The following ANKRD39 variants were observed in gnomAD, a reference collection of about 807,000 sequenced individuals.
ANKRD39 encodes the protein ankyrin repeat domain 39.
In ANKRD39, 18 loss-of-function variants were observed where a neutral mutation model predicts 20.3. The ratio of observed to expected loss-of-function variants is 0.89; its 90% CI spans 0.61 to 1.32. The LOEUF is 1.32. Ranked by LOEUF, ANKRD39 falls within the 40% of genes most tolerant of loss-of-function variation. ANKRD39 has a pLI of 0.00. For missense variants in ANKRD39, 243 were observed against 250.7 expected (o/e 0.97, Z 0.21); for synonymous variants, 106 against 111.9 (o/e 0.95, Z 0.33).
intron 3 of ANKRD39, among the ~76,000 whole-genome samples, chr2:96,850,232 C>T (rs572887394): frequency 6.6e-6 from 1 of 152,324 alleles, no homozygotes; most frequent in South Asian, 2.1e-4. Flanking sequence ...CTCAGCTGGT[C>T]CTCCTAATGA....
At chr2:96,852,669 AAAG>A (rs1316786903) in intron 3 of ANKRD39, among the ~76,000 whole-genome samples, 1 of 152,138 alleles carries the variant, frequency 6.6e-6, no homozygotes, top group Non-Finnish European at 1.5e-5. Flanking sequence ...GGAGAAAATC[AAAG>A]AAGGGGCAAG....
chr2:96,856,125 T>C (rs1002036962), intron 1 of ANKRD39, among the ~76,000 whole-genome samples: 2 of 152,226 alleles, frequency 1.3e-5, no homozygotes, highest in Non-Finnish European at 2.9e-5. Flanking sequence ...TTTTAAAGAA[T>C]GTATTTGTTT....
rs1235530549 is a variant in ANKRD39 at position 96,857,966 on chromosome 2, C to T, written c.22G>A (p.Ala8Thr). The change falls in exon 1 of 4, where the codon GCG becomes ACG. Residue 8 changes from alanine to threonine, a missense_variant. Ala to Thr is a moderately conservative substitution (Grantham distance 58, BLOSUM62 0). Coordinates refer to ENST00000393537, the MANE Select transcript of ANKRD39 (RefSeq NM_016466.6). MATPRPC[A>T]DGPCCSHPSA... ...GGATGCGAGCAGCAGGGCCCGTCCG[C>T]GCAGGGCCGAGGCGTCGCCATCCCG... 4 of 1,556,930 alleles carry T rather than the reference C, an allele frequency of 2.6e-6. No individual in the cohort carries two copies. In the African/African-American group the frequency reaches 4.1e-5, roughly 16 times the overall value.
chr2:96,856,008 CAACAAA>C (rs2079861361), intron 1 of ANKRD39, among the ~76,000 whole-genome samples: 1 of 147,352 alleles, frequency 6.8e-6, no homozygotes, highest in Admixed American at 6.7e-5. Context: ...ACAACAACAA[CAACAAA>C]GAGTTACTGT....
In ANKRD39 at chr2:96,857,953, CAGGGCCCG is replaced by C; in HGVS notation, c.27_34del (p.Asp9GlufsTer78). On this transcript the variant is annotated frameshift_variant, in exon 1 of 4. Transcript: ENST00000393537. LOFTEE classifies it high-confidence loss of function. ...GAGCACCGCGCTGGGATGCGAGCAG[CAGGGCCCG>C]TCCGCGCAGGGCCGAGGCGTCGCCA... 1 of 1,572,050 alleles carries C rather than the reference CAGGGCCCG, an allele frequency of 6.4e-7. No individual in the cohort carries two copies. The highest frequency in any genetic ancestry group is 2.3e-5 in the East Asian group (1 of 43,390).
At chr2:96,850,464 G>A (rs752502156) in intron 3 of ANKRD39, among the ~76,000 whole-genome samples, 10 of 152,098 alleles carry the variant, frequency 6.6e-5, no homozygotes, top group Non-Finnish European at 1.2e-4. Flanking sequence ...TCAGGAGTTC[G>A]AGACCAGCCT....
Position 96,853,519 on chromosome 2 carries a change from C to T in ANKRD39, c.290G>A (p.Gly97Asp). ...GCTGGCTCGGTGCAGAGCAGTGGCA[C>T]CCCCGTGGGTCTGGGCATCACACTT... is the stretch of plus-strand genomic sequence containing the variant. ...GAKCDAQTHG[G>D]ATALHRASYC... The change falls in exon 3 of 4, where the codon GGT (glycine) becomes GAT (aspartate). Residue 97 changes from glycine (G) to aspartate (D), a missense_variant. Coordinates refer to ENST00000393537, the MANE Select transcript of ANKRD39 (RefSeq NM_016466.6). 6.2e-7 allele frequency: 1 copy of T among 1,613,358 alleles called. No individual in the cohort carries two copies. The highest frequency in any genetic ancestry group is 8.5e-7 in the Non-Finnish European group (1 of 1,179,900).
intron 3 of ANKRD39, among the ~76,000 whole-genome samples, chr2:96,848,746 G>A (rs1416413297): frequency 2.6e-5 from 4 of 152,062 alleles, no homozygotes; most frequent in Non-Finnish European, 4.4e-5. Flanking sequence ...GCTTGAACCC[G>A]GGAGGCGGAG....
At chr2:96,848,495 G>A (rs2153359538) in intron 3 of ANKRD39, 51 bp from the exon 4 acceptor site, 1 of 1,604,810 alleles carries the variant, frequency 6.2e-7, no homozygotes, top group Non-Finnish European at 8.5e-7. Context: ...ACTGGGCTCT[G>A]CTCTCTCTTG....
At chr2:96,857,443 A>C (rs2079870760) in intron 1 of ANKRD39, among the ~76,000 whole-genome samples, 1 of 152,224 alleles carries the variant, frequency 6.6e-6, no homozygotes, top group Non-Finnish European at 1.5e-5. Context: ...CCATCTTTAA[A>C]GCATGCAGGC....
At chr2:96,851,010 T>C (rs2153359690) in intron 3 of ANKRD39, among the ~76,000 whole-genome samples, 2 of 152,348 alleles carry the variant, frequency 1.3e-5, no homozygotes, top group Middle Eastern at 3.4e-3. Context: ...TTTTGGGTTT[T>C]TTTGAGACGG....
Position 96,848,060 on chromosome 2 carries a change from A to AT in ANKRD39, c.*240dup. 1 of 436,744 alleles carries AT rather than the reference A, an allele frequency of 2.3e-6. No individual in the cohort carries two copies. The highest frequency in any genetic ancestry group is 3.4e-5 in the East Asian group (1 of 29,488). 27.1% of individuals were successfully genotyped at this position (436,744 alleles called of 1,614,324 possible). A position where few individuals can be genotyped will look rare whatever the true frequency, so the allele number is the denominator to read the frequency against. ...TGGGATGAGGTAAGGATATAACTTT[A>AT]TTTTTTTCCAAATAAATAGATGTCT... On this transcript the variant is annotated 3_prime_UTR_variant, in exon 4 of 4. Coordinates refer to ENST00000393537, the MANE Select transcript of ANKRD39 (RefSeq NM_016466.6).
chr2:96,850,469 C>T (rs1020745482), intron 3 of ANKRD39, among the ~76,000 whole-genome samples: 3 of 152,086 alleles, frequency 2.0e-5, no homozygotes, highest in African/African-American at 7.2e-5. Flanking sequence ...AGTTCGAGAC[C>T]AGCCTAGCCA....
chr2:96,852,319 C>A (rs940795386), intron 3 of ANKRD39, among the ~76,000 whole-genome samples: 2 of 134,866 alleles, frequency 1.5e-5, no homozygotes, highest in Admixed American at 8.3e-5. Context: ...CCCAGGAAGT[C>A]GGGGCTGCAG....
chr2:96,848,474 C>T (rs371933512), intron 3 of ANKRD39, 30 bp from the exon 4 acceptor site: 44 of 1,611,920 alleles, frequency 2.7e-5, no homozygotes, highest in Non-Finnish European at 3.4e-5. Flanking sequence ...AATCAAAGGG[C>T]ATACCCCCCC....
intron 1 of ANKRD39, among the ~76,000 whole-genome samples, chr2:96,857,660 C>T (rs2079871974): frequency 6.6e-6 from 1 of 152,256 alleles, no homozygotes; most frequent in African/African-American, 2.4e-5. Flanking sequence ...ACCAGTGCTT[C>T]CGCTTCCCCG....
intron 3 of ANKRD39, among the ~76,000 whole-genome samples, chr2:96,850,025 G>A (rs911739460): frequency 3.3e-5 from 5 of 152,170 alleles, no homozygotes; most frequent in South Asian, 2.1e-4. Flanking sequence ...CTTAATAAAT[G>A]CCTTGCCCAA....
chr2:96,857,035 A>G (rs1041689199), intron 1 of ANKRD39, among the ~76,000 whole-genome samples: 1 of 152,180 alleles, frequency 6.6e-6, no homozygotes, highest in Non-Finnish European at 1.5e-5. Context: ...TGTGATTTCT[A>G]ATTTTCAAAA....
intron 1 of ANKRD39, among the ~76,000 whole-genome samples, chr2:96,856,500 A>G (rs954087144): frequency 1.3e-5 from 2 of 150,840 alleles, no homozygotes; most frequent in Non-Finnish European, 2.9e-5. Flanking sequence ...AAGATGATGG[A>G]TACATCAGAG....
Sources: allele counts gnomAD v4.1 joint callset (sites outside exome capture counted in the v4.1 genomes callset), GRCh38; gene constraint gnomAD v4.1.1; transcripts MANE v1.5; gene names NCBI Gene and HGNC (gene_info 2026-07-23, HGNC 2026-07-21).